Variants in KCNH7 observed in about 807,000 individuals in gnomAD.
The protein encoded by KCNH7 is voltage-gated inwardly rectifying potassium channel KCNH7.
KCNH7 carries 49 observed loss-of-function variants against 120.8 expected under a neutral mutation model. That is an observed-to-expected ratio of 0.41 (90% CI 0.32 to 0.51). The LOEUF is 0.51. KCNH7 is among the 20% of genes least tolerant of loss of function. The pLI, the probability that KCNH7 is intolerant of heterozygous loss-of-function variation, is 0.38. For missense variants in KCNH7, 1,097 were observed against 1,446.6 expected, an observed-to-expected ratio of 0.76 and a Z score of 3.92; for synonymous variants, 547 against 516.1, an observed-to-expected ratio of 1.06 and a Z score of -0.81.
At chr2:162,738,966 G>A (rs182480334) in intron 2 of KCNH7, among the ~76,000 whole-genome samples, 147 of 152,042 alleles carry the variant, frequency 9.7e-4, no homozygotes, top group African/African-American at 3.0e-3. Flanking sequence ...TGATCCTTCC[G>A]CACTGGATCC....
At position 162,576,038 on chromosome 2, in the gene KCNH7, A is replaced by G. The variant is rs112889516; in HGVS notation, c.308-38958T>C. On this transcript the variant is annotated intron_variant, in intron 2 of 15. Transcript: ENST00000332142. Reference sequence around the variant, plus strand: ...TTGGGTTTGATTTAGAAGTGAACCCATGAGTATTGAAGAGGTCTGAATTTG... The same window carrying G: ...TTGGGTTTGATTTAGAAGTGAACCCGTGAGTATTGAAGAGGTCTGAATTTG... 4.4e-3 allele frequency among the ~76,000 whole-genome samples: 669 copies of G among 152,186 alleles called. 5 individuals carry two copies. The highest frequency in any genetic ancestry group is 7.1e-3 in the Non-Finnish European group (482 of 67,972).
intron 2 of KCNH7, among the ~76,000 whole-genome samples, chr2:162,730,727 T>C (rs1006478883): frequency 1.3e-5 from 2 of 152,050 alleles, no homozygotes; most frequent in Non-Finnish European, 2.9e-5. Flanking sequence ...CTAATCATTC[T>C]AGTATAAACT....
chr2:162,542,155 C>A (rs1241228547), intron 2 of KCNH7, among the ~76,000 whole-genome samples: 1 of 150,364 alleles, frequency 6.7e-6, no homozygotes, highest in African/African-American at 2.4e-5. Context: ...TATTCTATAT[C>A]TCTCTTTTTT....
chr2:162,634,092 T>G (rs1683859082), intron 2 of KCNH7, among the ~76,000 whole-genome samples: 1 of 152,062 alleles, frequency 6.6e-6, no homozygotes, highest in Non-Finnish European at 1.5e-5. Flanking sequence ...TAATGGGATG[T>G]TTTCTGTTCA....
intron 2 of KCNH7, among the ~76,000 whole-genome samples, chr2:162,593,291 C>T (rs1012322756): frequency 4.6e-5 from 7 of 152,056 alleles, no homozygotes; most frequent in African/African-American, 1.7e-4. Context: ...AATAGTTCCA[C>T]TTTTCCTCCT....
At chr2:162,820,999 C>T (rs1306149812) in intron 2 of KCNH7, among the ~76,000 whole-genome samples, 3 of 152,078 alleles carry the variant, frequency 2.0e-5, no homozygotes, top group Non-Finnish European at 4.4e-5. Context: ...GGTGTCCCTC[C>T]TACTTAATAA....
At chr2:162,506,116 A>T (rs549819519) in intron 5 of KCNH7, among the ~76,000 whole-genome samples, 3 of 152,052 alleles carry the variant, frequency 2.0e-5, no homozygotes, top group Admixed American at 2.0e-4. Context: ...CCTGAGTCTT[A>T]TCCATGACGA....
chr2:162,720,420 G>A (rs1407459244), intron 2 of KCNH7, among the ~76,000 whole-genome samples: 1 of 151,580 alleles, frequency 6.6e-6, no homozygotes. Flanking sequence ...AGTTATCTGA[G>A]ACTTAATCCA....
chr2:162,633,546 T>C (rs527342797), intron 2 of KCNH7, among the ~76,000 whole-genome samples: 3 of 152,136 alleles, frequency 2.0e-5, no homozygotes, highest in Non-Finnish European at 4.4e-5. Context: ...CCTACACCCA[T>C]CAGATAATAT....
chr2:162,381,808 A>T (rs1422388868), intron 13 of KCNH7, among the ~76,000 whole-genome samples: 1 of 152,156 alleles, frequency 6.6e-6, no homozygotes, highest in Non-Finnish European at 1.5e-5. Context: ...TAAGTCACTT[A>T]TCTGCAGATT....
intron 2 of KCNH7, among the ~76,000 whole-genome samples, chr2:162,727,318 G>A (rs151086408): frequency 0.01 from 1,533 of 152,178 alleles, 13 homozygotes; most frequent in Non-Finnish European, 0.016. Flanking sequence ...TAATAGAGAT[G>A]TATAACAAAA....
At chr2:162,579,222 T>C (rs1444025718) in intron 2 of KCNH7, among the ~76,000 whole-genome samples, 1 of 152,046 alleles carries the variant, frequency 6.6e-6, no homozygotes, top group Non-Finnish European at 1.5e-5. Flanking sequence ...TGCACCTGCA[T>C]ATGAAGCTCG....
chr2:162,516,096 C>A (rs1023947049), intron 4 of KCNH7, among the ~76,000 whole-genome samples: 1 of 151,682 alleles, frequency 6.6e-6, no homozygotes, highest in Non-Finnish European at 1.5e-5. Context: ...AATGTTACAC[C>A]AATATTTATC....
At chr2:162,490,208 G>A (rs772994142) in intron 6 of KCNH7, among the ~76,000 whole-genome samples, 1 of 152,198 alleles carries the variant, frequency 6.6e-6, no homozygotes, top group Non-Finnish European at 1.5e-5. Context: ...AAACATGCCC[G>A]CAGTGGCCTA....
chr2:162,724,604 G>A (rs927005687), intron 2 of KCNH7, among the ~76,000 whole-genome samples: 12 of 148,632 alleles, frequency 8.1e-5, no homozygotes, highest in African/African-American at 1.8e-4. Flanking sequence ...CCCGGGAGGC[G>A]GAGCTTGCAG....
chr2:162,521,450 C>T (rs1301880591), intron 3 of KCNH7, among the ~76,000 whole-genome samples: 2 of 151,850 alleles, frequency 1.3e-5, no homozygotes, highest in Non-Finnish European at 2.9e-5. Flanking sequence ...CTCTATACCA[C>T]GTCCTCTCTA....
chr2:162,773,360 C>T (rs973817404), intron 2 of KCNH7, among the ~76,000 whole-genome samples: 1 of 152,046 alleles, frequency 6.6e-6, no homozygotes, highest in Non-Finnish European at 1.5e-5. Context: ...TGGTGGCATG[C>T]ACCTGCAGTC....
chr2:162,489,374 T>TA (rs372004892), intron 6 of KCNH7, among the ~76,000 whole-genome samples: 17 of 149,198 alleles, frequency 1.1e-4, no homozygotes, highest in East Asian at 3.9e-4. Context: ...GCCGATGAGC[T>TA]AAAAAAAAAA....
chr2:162,447,936 C>A (rs1688637707), intron 6 of KCNH7, among the ~76,000 whole-genome samples: 1 of 152,016 alleles, frequency 6.6e-6, no homozygotes, highest in African/African-American at 2.4e-5. Flanking sequence ...TGCTAAACTA[C>A]TTTAACTAGT....
Sources: gnomAD v4.1 joint callset for allele counts (sites outside exome capture counted in the v4.1 genomes callset) on GRCh38, gnomAD v4.1.1 for gene constraint, MANE v1.5 for transcripts, NCBI Gene and HGNC (gene_info 2026-07-23, HGNC 2026-07-21) for gene names.